TOP3B: variants seen among roughly 807,000 people sequenced by gnomAD.
TOP3B encodes DNA topoisomerase III beta.
In TOP3B, 45 loss-of-function variants were observed where a neutral mutation model predicts 93.9. The observed-to-expected ratio is 0.48, with a 90% CI of 0.38 to 0.61. The LOEUF is 0.61. TOP3B is among the 20% of genes least tolerant of loss of function. TOP3B has a pLI of 0.00. For missense variants in TOP3B, 750 were observed against 1,156.1 expected (o/e 0.65, Z 5.09); for synonymous variants, 357 against 472.6 (o/e 0.76, Z 3.17).
Position 21,963,149 on chromosome 22 carries a change from CA to C in TOP3B, c.1205-257del. ...AGGAGTTTGAGACCAGCCTGGCCAA[CA>C]TGGTGAAACCCCGTCTCTACTAAAA... On this transcript the variant is annotated intron_variant, in intron 11 of 17. Transcript: ENST00000357179. The surrounding 1 kb of genome is among the most constrained non-coding windows in gnomAD (Gnocchi z 4.8). The C allele has an allele frequency of 4.8e-6, 2 of 414,380 alleles. No individual in the cohort carries two copies. The highest frequency in any genetic ancestry group is 8.9e-6 in the Non-Finnish European group (2 of 224,998). 25.7% of individuals were successfully genotyped at this position (414,380 alleles called of 1,614,324 possible).
At chr22:21,975,898 G>C in intron 1 of TOP3B, 91 bp from the exon 2 acceptor site, 1 of 871,294 alleles carries the variant, frequency 1.1e-6, no homozygotes. Flanking sequence ...GAAAAAACAA[G>C]ACCAACCTGA....
chr22:21,962,829 GT>G lies in TOP3B; in HGVS notation c.1268del (p.Asp423AlafsTer59). 1 of 1,614,132 alleles carries G rather than the reference GT, an allele frequency of 6.2e-7. No homozygotes were observed. Among genetic ancestry groups the G allele is most frequent in the South Asian group, 1.1e-5 (1 of 91,086 alleles). ...AGATGGTGCTCTGCAGGTACTTGCA[GT>G]CATGGCTGACCGTGGCGATGAAGTG... ...TRHFIATVSH[D>X]CKYLQSTISF... On this transcript the variant is annotated frameshift_variant, in exon 12 of 18. Coordinates refer to ENST00000357179, the MANE Select transcript of TOP3B (RefSeq NM_001282112.2). LOFTEE classifies it high-confidence loss of function.
rs769608409 is a variant in TOP3B, at chr22:21,960,310, G to A, written c.1654+11C>T. 1.2e-6 allele frequency: 2 copies of A among 1,613,186 alleles called. No individual in the cohort carries two copies. Among genetic ancestry groups the A allele is most frequent in the Non-Finnish European group, 1.7e-6 (2 of 1,179,892 alleles). ...CTCGGTGGGCCCTGGGGGCAGGACT[G>A]AGGAACTCACCAATCTTATAGTAGC... On this transcript the variant is annotated intron_variant, in intron 14 of 17. Transcript: ENST00000357179.
At chr22:21,979,933 T>TC (rs2084589340) in intron 1 of TOP3B, among the ~76,000 whole-genome samples, 1 of 91,392 alleles carries the variant, frequency 1.1e-5, no homozygotes, top group East Asian at 3.7e-4. Flanking sequence ...AGAGTGAGAC[T>TC]CCATCTCCAA....
Position 21,972,611 on chromosome 22 carries a change from C to T in TOP3B, c.309+1G>A. The stretch of plus-strand genomic sequence containing the variant: ...CTCATGCCCAGGCCAGCCCCACGCA[C>T]CTGCAGGAACTTCACCATGTTCAGC... On this transcript the variant is annotated splice_donor_variant, in intron 4 of 17. Transcript: ENST00000357179. LOFTEE classifies it high-confidence loss of function. 2.5e-6 allele frequency: 4 copies of T among 1,606,980 alleles called. No homozygotes were observed. Among genetic ancestry groups the T allele is most frequent in the Non-Finnish European group, 3.4e-6 (4 of 1,177,164 alleles).
In TOP3B at chr22:21,970,856, G is replaced by T; in HGVS notation, c.385-450C>A. 2.3e-6 allele frequency: 1 copy of T among 444,440 alleles called. No individual in the cohort carries two copies. Among genetic ancestry groups the T allele is most frequent in the Non-Finnish European group, 3.4e-6 (1 of 293,844 alleles). The allele number at this position is 444,440 out of a possible 1,614,324, so 27.5% of individuals were successfully genotyped here. ...ATTTTAAGAGGCTGAAGAAAAGACA[G>T]GGAAGGAAAAAAGAATGAAGGGGAA... On this transcript the variant is annotated intron_variant, in intron 5 of 17. Transcript: ENST00000357179. The surrounding 1 kb of genome is among the most constrained non-coding windows in gnomAD (Gnocchi z 4.4).
At position 21,974,442 on chromosome 22, in the gene TOP3B, G is replaced by A. The variant is rs146303944; in HGVS notation, c.117C>T (p.His39=). 8.4e-5 allele frequency: 135 copies of A among 1,613,912 alleles called. 1 individual carries two copies. Among genetic ancestry groups the A allele is most frequent in the Middle Eastern group, 1.7e-4 (1 of 6,060 alleles). The part of the protein sequence containing the change: ...HKGLNGACSV[H]EYTGTFAGQP... ...GGCCAGCAAAGGTCCCAGTGTACTC[G>A]TGGACTGAGCAGGCCCCGTTCAGCC... Residue 39 remains histidine (H), a synonymous_variant, in exon 3 of 18, where the codon CAC becomes CAT. Transcript: ENST00000357179.
At chr22:21,979,493 G>T (rs1471408099) in intron 1 of TOP3B, among the ~76,000 whole-genome samples, 1 of 152,130 alleles carries the variant, frequency 6.6e-6, no homozygotes, top group Non-Finnish European at 1.5e-5. Context: ...GTCCCCAGGA[G>T]GTAGGACAGG....
intron 14 of TOP3B, chr22:21,960,020 T>C (rs1177561681): frequency 1.6e-6 from 1 of 614,834 alleles, no homozygotes; most frequent in Non-Finnish European, 2.8e-6. Flanking sequence ...TGGGCCAGTT[T>C]TGTGCTCCTC....
Position 21,959,709 on chromosome 22 carries a change from C to A in TOP3B, c.1682G>T (p.Arg561Leu). 1.2e-6 allele frequency: 2 copies of A among 1,613,350 alleles called. No individual in the cohort carries two copies. The highest frequency in any genetic ancestry group is 8.5e-7 in the Non-Finnish European group (1 of 1,179,894). ...IDAELVLPTI[R>L]SAVEKQLNLI... ...GTTCAGCTGCTTCTCCACTGCACTGCGGATGGTGGGGAGCACCAGCTCTGC... is the reference window on the plus strand; with the variant it reads ...GTTCAGCTGCTTCTCCACTGCACTGAGGATGGTGGGGAGCACCAGCTCTGC... Residue 561 changes from arginine (R) to leucine (L), a missense_variant, in exon 15 of 18, where the codon CGC becomes CTC. Arg to Leu is a moderately radical substitution (Grantham distance 102, BLOSUM62 -2). Around this residue, in one of 4 missense-constraint regions of TOP3B, gnomAD observed 737 missense variants for 933.7 expected, o/e 0.79. Transcript: ENST00000357179.
rs1424357710 is a variant in TOP3B at position 21,972,692 on chromosome 22, C to G, written c.229G>C (p.Asp77His). ...GCTTGGCTGAACAGTTCTGCGGGGT[C>G]CACTTTGTCCCATTTGTTGTATTTT... ...LGKYNKWDKV[D>H]PAELFSQAPT... Residue 77 changes from aspartate (D) to histidine (H), a missense_variant, in exon 4 of 18, where the codon GAC (aspartate) becomes CAC (histidine). Transcript: ENST00000357179. 1 of 1,613,810 alleles carries G rather than the reference C, an allele frequency of 6.2e-7. No individual in the cohort carries two copies. The highest frequency in any genetic ancestry group is 1.3e-5 in the African/African-American group (1 of 74,884).
chr22:21,968,953 G>A (rs984393019), intron 6 of TOP3B, 178 bp from the exon 7 acceptor site: 7 of 620,624 alleles, frequency 1.1e-5, no homozygotes, highest in South Asian at 2.0e-5. Context: ...ATTCATGTGT[G>A]TACATGGGTG....
chr22:21,962,481 G>A lies in TOP3B; in HGVS notation c.1473C>T (p.Pro491=), dbSNP rs771013616. The A allele has an allele frequency of 1.6e-5, 26 of 1,613,756 alleles. No individual in the cohort carries two copies. Among genetic ancestry groups the A allele is most frequent in the South Asian group, 9.9e-5 (9 of 91,082 alleles). The change falls in exon 13 of 18, where the codon CCC becomes CCT. Residue 491 remains proline (P), a synonymous_variant. Coordinates refer to ENST00000357179, the MANE Select transcript of TOP3B (RefSeq NM_001282112.2). Reference sequence around the variant, plus strand: ...TGAGCTCGGCCTCCGTCAGGTAGTCGGGTGGGTTCGTCTGCTTCTCCAGCA... The same window carrying A: ...TGAGCTCGGCCTCCGTCAGGTAGTCAGGTGGGTTCGTCTGCTTCTCCAGCA... ...VKMLEKQTNP[P]DYLTEAELIT...
chr22:21,975,831 G>A, intron 1 of TOP3B, 24 bp from the exon 2 acceptor site: 2 of 1,317,076 alleles, frequency 1.5e-6, no homozygotes, highest in Non-Finnish European at 2.0e-6. Flanking sequence ...AAGACACTCA[G>A]GATAGCAATG....
At chr22:21,979,372 T>C (rs546712025) in intron 1 of TOP3B, among the ~76,000 whole-genome samples, 2 of 151,922 alleles carry the variant, frequency 1.3e-5, no homozygotes, top group African/African-American at 4.8e-5. Flanking sequence ...GGTGGTGGCA[T>C]GCTGACCCAG....
At chr22:21,962,345 G>A (rs767506267) in intron 13 of TOP3B, 84 bp downstream of exon 13, 1 of 1,603,616 alleles carries the variant, frequency 6.2e-7, no homozygotes, top group Non-Finnish European at 8.5e-7. Context: ...GGCACACAGG[G>A]CTGGCGGGGC....
At chr22:21,968,414 T>C (rs1366776435) in intron 7 of TOP3B, 1 of 588,790 alleles carries the variant, frequency 1.7e-6, no homozygotes, top group Non-Finnish European at 3.0e-6. Flanking sequence ...TTATCCAGAT[T>C]CAGCATATAC....
rs758275021 is a variant in TOP3B at position 21,958,494 on chromosome 22, T to C, written c.2105A>G (p.Lys702Arg). 9.1e-5 allele frequency: 147 copies of C among 1,613,974 alleles called. 2 individuals carry two copies. The South Asian group carries it at 1.5e-3, about 17-fold the overall frequency. The part of the protein sequence containing the change: ...YNHPPFRDMK[K>R]GMGCNECTHP... ...CAGGAGGGAGTGGCTGCACTCACCT[T>C]TCTTCATGTCTCGGAAGGGTGGGTG... Residue 702 changes from lysine (K) to arginine (R), a missense_variant and splice_region_variant, in exon 17 of 18, where the codon AAA (lysine) becomes AGA (arginine). Coordinates refer to ENST00000357179, the MANE Select transcript of TOP3B (RefSeq NM_001282112.2).
At position 21,959,656 on chromosome 22, in the gene TOP3B, G is replaced by A. The variant is rs1275992362; in HGVS notation, c.1735C>T (p.Arg579Cys). 3.1e-6 allele frequency: 5 copies of A among 1,613,768 alleles called. No individual in the cohort carries two copies. The highest frequency in any genetic ancestry group is 1.1e-5 in the South Asian group (1 of 91,082). Residue 579 changes from arginine to cysteine, a missense_variant, in exon 15 of 18, where the codon CGC (arginine) becomes TGC (cysteine). By Grantham distance (180) the Arg-to-Cys change is radical. Transcript: ENST00000357179. ...TCCAGGGTGTGGCCCAGGACCTGGC[G>A]GTAGTCGGCCTTGCCCTGGGCGATC... ...NLIAQGKADY[R>C]QVLGHTLDVF...
Sources: allele counts gnomAD v4.1 joint callset (sites outside exome capture counted in the v4.1 genomes callset), GRCh38; gene constraint gnomAD v4.1.1; regional missense constraint gnomAD v4.1.1; non-coding constraint Gnocchi (gnomAD v3.1); transcripts MANE v1.5; gene names NCBI Gene and HGNC (gene_info 2026-07-23, HGNC 2026-07-21).